The following PRKG1 variants were observed in gnomAD, a reference collection of about 807,000 sequenced individuals.
PRKG1 encodes protein kinase cGMP-dependent 1.
Under a neutral mutation model 88.1 loss-of-function variants are expected in PRKG1, and 35 were observed. That is an observed-to-expected ratio of 0.40 (90% CI 0.30 to 0.53). PRKG1 has a LOEUF of 0.53. Ranked by LOEUF, PRKG1 falls within the 20% of genes least tolerant of loss-of-function variation. PRKG1 has a pLI of 0.59. For missense variants in PRKG1, 540 were observed against 839.8 expected (o/e 0.64, Z 4.41); for synonymous variants, 303 against 292.5 (o/e 1.04, Z -0.37).
intron 5 of PRKG1, among the ~76,000 whole-genome samples, chr10:52,029,121 T>G (rs10762539): frequency 0.53 from 80,062 of 151,992 alleles, 21,696 homozygotes; most frequent in African/African-American, 0.66. Flanking sequence ...CGGGCTGGAC[T>G]TTCCTATTCT....
At chr10:52,223,269 C>T (rs1016626813) in intron 9 of PRKG1, among the ~76,000 whole-genome samples, 11 of 152,068 alleles carry the variant, frequency 7.2e-5, no homozygotes, top group Non-Finnish European at 1.2e-4. Flanking sequence ...ATCCATACTG[C>T]TCTACCAAGG....
chr10:51,494,874 C>T (rs1247261803), intron 3 of PRKG1, among the ~76,000 whole-genome samples: 3 of 152,060 alleles, frequency 2.0e-5, no homozygotes, highest in Admixed American at 2.0e-4. Flanking sequence ...TGTAATTAGT[C>T]ATTTATCTAG....
chr10:52,181,226 G>A (rs1362392282), intron 9 of PRKG1, among the ~76,000 whole-genome samples: 1 of 152,026 alleles, frequency 6.6e-6, no homozygotes, highest in Non-Finnish European at 1.5e-5. Flanking sequence ...CTGTTTTTCA[G>A]GCCTAGAACA....
At chr10:52,239,356 AAG>A (rs1244173047) in intron 9 of PRKG1, among the ~76,000 whole-genome samples, 10 of 107,076 alleles carry the variant, frequency 9.3e-5, no homozygotes, top group African/African-American at 5.4e-5. Flanking sequence ...AAAAAAAAAA[AAG>A]AGATTCCTTT....
intron 3 of PRKG1, among the ~76,000 whole-genome samples, chr10:51,527,125 GATATT>G (rs968104180): frequency 1.3e-5 from 2 of 152,034 alleles, no homozygotes; most frequent in African/African-American, 4.8e-5. Flanking sequence ...TGTGTCACAG[GATATT>G]ATATTTCTTT....
chr10:51,593,137 C>T (rs1256893151), intron 3 of PRKG1, among the ~76,000 whole-genome samples: 1 of 152,096 alleles, frequency 6.6e-6, no homozygotes, highest in African/African-American at 2.4e-5. Flanking sequence ...GCCATAGTTC[C>T]ATTTGGAGGT....
intron 5 of PRKG1, among the ~76,000 whole-genome samples, chr10:51,974,731 T>C (rs528991825): frequency 6.6e-6 from 1 of 152,302 alleles, no homozygotes; most frequent in Non-Finnish European, 1.5e-5. Context: ...ATTTGCATAA[T>C]GCATATCATT....
chr10:51,961,974 C>A (rs924233399), intron 5 of PRKG1, among the ~76,000 whole-genome samples: 5 of 152,108 alleles, frequency 3.3e-5, no homozygotes, highest in African/African-American at 9.7e-5. Context: ...AAAACTAGCA[C>A]CATCGGACAT....
intron 2 of PRKG1, among the ~76,000 whole-genome samples, chr10:51,359,647 G>A (rs1221022184): frequency 6.6e-6 from 1 of 151,756 alleles, no homozygotes; most frequent in Non-Finnish European, 1.5e-5. Flanking sequence ...TGCCATCATG[G>A]CTGACTATGT....
At chr10:51,963,005 C>G (rs529181678) in intron 5 of PRKG1, among the ~76,000 whole-genome samples, 2 of 152,268 alleles carry the variant, frequency 1.3e-5, no homozygotes, top group South Asian at 2.1e-4. Context: ...GCTGGATGCT[C>G]TCAGTGTAGT....
intron 4 of PRKG1, among the ~76,000 whole-genome samples, chr10:51,896,872 T>G (rs1841864418): frequency 6.6e-6 from 1 of 152,126 alleles, no homozygotes; most frequent in Non-Finnish European, 1.5e-5. Flanking sequence ...CAGGAGTGGT[T>G]TGCTTTATTT....
intron 4 of PRKG1, among the ~76,000 whole-genome samples, chr10:51,893,006 G>A (rs939436812): frequency 3.9e-5 from 6 of 152,080 alleles, no homozygotes; most frequent in Admixed American, 1.3e-4. Context: ...TTTGATGCAG[G>A]CATATGCAAT....
At chr10:52,172,209 T>G (rs1337060752) in intron 9 of PRKG1, among the ~76,000 whole-genome samples, 2 of 152,246 alleles carry the variant, frequency 1.3e-5, no homozygotes, top group African/African-American at 4.8e-5. Flanking sequence ...AATCCCAGTA[T>G]GTGCTTGCTT....
chr10:52,089,958 G>A (rs561343661), intron 7 of PRKG1, among the ~76,000 whole-genome samples: 1 of 151,948 alleles, frequency 6.6e-6, no homozygotes, highest in African/African-American at 2.4e-5. Context: ...GGAACTACAG[G>A]CATGTGCCAC....
intron 3 of PRKG1, among the ~76,000 whole-genome samples, chr10:51,475,778 G>A (rs1049379454): frequency 6.6e-6 from 1 of 151,842 alleles, no homozygotes; most frequent in Non-Finnish European, 1.5e-5. Flanking sequence ...ATGGACTGTC[G>A]AGCCATGTTG....
At chr10:51,933,205 C>T (rs1842731797) in intron 5 of PRKG1, among the ~76,000 whole-genome samples, 2 of 152,086 alleles carry the variant, frequency 1.3e-5, no homozygotes, top group Non-Finnish European at 1.5e-5. Context: ...TGTATTCTGG[C>T]CAGCTCTTGC....
chr10:51,208,369 T>C (rs1417362565), intron 2 of PRKG1, among the ~76,000 whole-genome samples: 2 of 152,202 alleles, frequency 1.3e-5, no homozygotes, highest in Admixed American at 6.5e-5. Flanking sequence ...AGGATACTAC[T>C]AAGGAAGTTC....
intron 3 of PRKG1, among the ~76,000 whole-genome samples, chr10:51,760,953 A>G (rs1467736862): frequency 3.9e-5 from 6 of 152,062 alleles, no homozygotes; most frequent in Non-Finnish European, 5.9e-5. Context: ...TGTCTCTACT[A>G]AAAATACAAA....
chr10:51,056,187 A>G (rs191659998), intron 1 of PRKG1, among the ~76,000 whole-genome samples: 343 of 152,304 alleles, frequency 2.3e-3, no homozygotes, highest in Non-Finnish European at 3.5e-3. Context: ...GTGCCCACTC[A>G]ATAGCCCTTC....
Sources: allele counts gnomAD v4.1 joint callset (sites outside exome capture counted in the v4.1 genomes callset), GRCh38; gene constraint gnomAD v4.1.1; transcripts MANE v1.5; gene names NCBI Gene and HGNC (gene_info 2026-07-23, HGNC 2026-07-21).